Variants in RUFY4 observed in about 807,000 individuals in gnomAD.
The protein encoded by RUFY4 is RUN and FYVE domain-containing protein 4.
A neutral mutation model predicts 69.0 loss-of-function variants in RUFY4; 73 were observed. That is an observed-to-expected ratio of 1.06 (90% CI 0.88 to 1.29). RUFY4 has a LOEUF of 1.29. Ranked by LOEUF, RUFY4 falls within the 50% of genes most tolerant of loss-of-function variation. The pLI, the probability that RUFY4 is intolerant of heterozygous loss-of-function variation, is 0.00. For missense variants in RUFY4, 770 were observed against 705.6 expected, an observed-to-expected ratio of 1.09 and a Z score of -1.03; for synonymous variants, 287 against 271.8, an observed-to-expected ratio of 1.06 and a Z score of -0.55.
chr2:218,084,132 G>A (rs924205643), intron 9 of RUFY4, among the ~76,000 whole-genome samples: 5 of 152,178 alleles, frequency 3.3e-5, no homozygotes, highest in Non-Finnish European at 7.3e-5. Context: ...AGTAGAAAGA[G>A]AGTTCACATA....
chr2:218,074,607 C>T (rs2106054560), intron 6 of RUFY4, among the ~76,000 whole-genome samples: 1 of 152,292 alleles, frequency 6.6e-6, no homozygotes, highest in East Asian at 1.9e-4. Context: ...GTAAGTGACA[C>T]AGAAATGAAC....
chr2:218,043,815 C>A (rs1162338138), intron 2 of RUFY4, among the ~76,000 whole-genome samples: 1 of 152,226 alleles, frequency 6.6e-6, no homozygotes, highest in Non-Finnish European at 1.5e-5. Context: ...CTCCTGCCAC[C>A]AATCATGGCA....
At chr2:218,066,177 C>CTT (rs58665951), upstream of RUFY4, among the ~76,000 whole-genome samples, 148 of 74,404 alleles carry the variant, frequency 2.0e-3, no homozygotes, top group Non-Finnish European at 2.3e-3. Context: ...CTTTTCTTTT[C>CTT]TTTTTTTTTT....
At chr2:218,045,881 T>G (rs1003329411) in intron 2 of RUFY4, among the ~76,000 whole-genome samples, 1 of 152,012 alleles carries the variant, frequency 6.6e-6, no homozygotes, top group Non-Finnish European at 1.5e-5. Context: ...CTCGGCTCAC[T>G]GCAAGCTCCG....
upstream of RUFY4, among the ~76,000 whole-genome samples, chr2:218,066,815 A>C: frequency 6.6e-6 from 1 of 152,230 alleles, no homozygotes; most frequent in East Asian, 1.9e-4. Context: ...CTCACATTAC[A>C]TTGGATTGTC....
intron 3 of RUFY4, chr2:218,059,574 C>G (rs756964872): frequency 6.0e-6 from 1 of 166,988 alleles, no homozygotes. Flanking sequence ...TTTCAAGGTT[C>G]GTCCGTGTTG....
upstream of RUFY4, among the ~76,000 whole-genome samples, chr2:218,065,880 C>T (rs939940851): frequency 7.2e-5 from 11 of 152,236 alleles, no homozygotes; most frequent in Non-Finnish European, 1.3e-4. Context: ...CGGCTCTGGC[C>T]AGGCCGTGTC....
chr2:218,086,132 A>C (rs1216759216), intron 9 of RUFY4, among the ~76,000 whole-genome samples: 1 of 152,270 alleles, frequency 6.6e-6, no homozygotes, highest in African/African-American at 2.4e-5. Context: ...TAAAATGATT[A>C]GAAGAGAAAG....
intron 2 of RUFY4, among the ~76,000 whole-genome samples, chr2:218,057,498 C>A (rs1459188068): frequency 6.6e-6 from 1 of 152,160 alleles, no homozygotes; most frequent in Non-Finnish European, 1.5e-5. Flanking sequence ...CGCTCATATA[C>A]CTACCTCATT....
chr2:218,062,973 T>C (rs959476855), intron 3 of RUFY4, among the ~76,000 whole-genome samples: 2 of 152,264 alleles, frequency 1.3e-5, no homozygotes, highest in South Asian at 4.1e-4. Flanking sequence ...CTGTCCTGCA[T>C]GTGTGTGCCT....
In RUFY4 at chr2:218,089,900, G is replaced by T. The variant is rs1315985414; in HGVS notation, c.1614-52G>T. On this transcript the variant is annotated intron_variant, in intron 10 of 10. Coordinates refer to ENST00000344321, the Ensembl canonical transcript of RUFY4. ...CTCCATGACCTCAGCGCCCACTTGG[G>T]GAAGTGCCAGCTGCAGAGGCCGCCC... is the stretch of plus-strand genomic sequence containing the variant. 2.3e-6 allele frequency: 3 copies of T among 1,281,926 alleles called. No individual in the cohort carries two copies. The African/African-American group carries it at 4.4e-5, about 19-fold the overall frequency. 79.4% of individuals were successfully genotyped at this position (1,281,926 alleles called of 1,614,324 possible). A position where few individuals can be genotyped will look rare whatever the true frequency, so the allele number is the denominator to read the frequency against.
intron 2 of RUFY4, among the ~76,000 whole-genome samples, chr2:218,048,577 C>T (rs1414970867): frequency 1.3e-5 from 2 of 152,106 alleles, no homozygotes; most frequent in African/African-American, 2.4e-5. Flanking sequence ...TCTTATGTTT[C>T]TGAAGATATT....
At chr2:218,084,457 C>A (rs533636835) in intron 9 of RUFY4, among the ~76,000 whole-genome samples, 13 of 151,982 alleles carry the variant, frequency 8.6e-5, no homozygotes, top group Non-Finnish European at 1.8e-4. Context: ...GTCTTGAACT[C>A]CTGACCACAA....
intron 3 of RUFY4, among the ~76,000 whole-genome samples, chr2:218,062,304 G>A (rs973853238): frequency 2.0e-5 from 3 of 151,572 alleles, no homozygotes; most frequent in Admixed American, 6.6e-5. Context: ...TACTCAGGAG[G>A]TTGAGACAGG....
intron 2 of RUFY4, among the ~76,000 whole-genome samples, chr2:218,035,947 C>T (rs1958970578): frequency 6.6e-6 from 1 of 152,176 alleles, no homozygotes; most frequent in Non-Finnish European, 1.5e-5. Flanking sequence ...CCATGGGGAA[C>T]ATGGGGACAC....
intron 8 of RUFY4, among the ~76,000 whole-genome samples, chr2:218,078,596 G>C (rs1689689937): frequency 6.6e-6 from 1 of 152,348 alleles, no homozygotes; most frequent in Middle Eastern, 3.4e-3. Context: ...CTCAGAGTAG[G>C]AGAGAGACTT....
chr2:218,084,235 CTTG>C (rs1047122554), intron 9 of RUFY4, among the ~76,000 whole-genome samples: 1 of 151,378 alleles, frequency 6.6e-6, no homozygotes, highest in African/African-American at 2.4e-5. Context: ...TTTTTGTTTG[CTTG>C]TTTTTTTTTT....
chr2:218,064,108 T>TA (rs1469420930), intron 3 of RUFY4, among the ~76,000 whole-genome samples: 1 of 152,150 alleles, frequency 6.6e-6, no homozygotes, highest in African/African-American at 2.4e-5. Flanking sequence ...TCGCTGTACT[T>TA]ACACTTTCTG....
chr2:218,088,406 T>C (rs1338959583), intron 9 of RUFY4, among the ~76,000 whole-genome samples: 5 of 149,248 alleles, frequency 3.4e-5, no homozygotes, highest in African/African-American at 1.2e-4. Flanking sequence ...TGCAGTGAGC[T>C]GTGATCATGC....
Sources: allele counts gnomAD v4.1 joint callset (sites outside exome capture counted in the v4.1 genomes callset), GRCh38; gene constraint gnomAD v4.1.1; transcripts MANE v1.5; gene names NCBI Gene and HGNC (gene_info 2026-07-23, HGNC 2026-07-21).